The following PPP2R5A variants were observed in gnomAD, a reference collection of about 807,000 sequenced individuals.
PPP2R5A encodes serine/threonine-protein phosphatase 2A 56 kDa regulatory subunit alpha isoform.
In PPP2R5A, 25 loss-of-function variants were observed where a neutral mutation model predicts 64.2. The observed-to-expected ratio is 0.39, with a 90% CI of 0.28 to 0.54. The LOEUF (loss-of-function observed/expected upper bound fraction) is 0.54. PPP2R5A is among the 20% of genes least tolerant of loss of function. PPP2R5A has a pLI of 0.67. For missense variants in PPP2R5A, 425 were observed against 576.3 expected (o/e 0.74, Z 2.69); for synonymous variants, 198 against 201.2 (o/e 0.98, Z 0.13).
chr1:212,333,296 C>G (rs1456673670), intron 2 of PPP2R5A, among the ~76,000 whole-genome samples: 1 of 152,150 alleles, frequency 6.6e-6, no homozygotes, highest in African/African-American at 2.4e-5. Flanking sequence ...GAGCTTAGGT[C>G]TGAGGAAGTC....
At chr1:212,350,191 A>G (rs2102445686) in intron 8 of PPP2R5A, among the ~76,000 whole-genome samples, 1 of 152,308 alleles carries the variant, frequency 6.6e-6, no homozygotes, top group African/African-American at 2.4e-5. Context: ...TCTCCCTTTC[A>G]CTTGAACTTT....
intron 1 of PPP2R5A, among the ~76,000 whole-genome samples, chr1:212,321,042 C>T (rs1431208773): frequency 1.5e-4 from 9 of 60,006 alleles, no homozygotes; most frequent in East Asian, 5.5e-4. Context: ...ACCTCCCGGA[C>T]GGGGCGGCTG....
At chr1:212,358,915 C>T (rs1273889177) in intron 12 of PPP2R5A, 128 bp downstream of exon 12, 1 of 589,792 alleles carries the variant, frequency 1.7e-6, no homozygotes, top group African/African-American at 1.9e-5. Flanking sequence ...TTATAGTAAA[C>T]ATTACAATGT....
At chr1:212,346,654 T>C (rs1295677291) in intron 5 of PPP2R5A, among the ~76,000 whole-genome samples, 1 of 152,192 alleles carries the variant, frequency 6.6e-6, no homozygotes, top group Admixed American at 6.5e-5. Context: ...CAAGTGTACT[T>C]TATAAATATT....
chr1:212,333,520 A>G lies in PPP2R5A; in HGVS notation c.402A>G (p.Thr134=). 3 of 1,597,688 alleles carry G rather than the reference A, an allele frequency of 1.9e-6. No individual in the cohort carries two copies. The highest frequency in any genetic ancestry group is 2.6e-6 in the Non-Finnish European group (3 of 1,170,404). ...VKMISANIFR[T]LPPSDNPDFD... ...AGATCAGTGCTAACATCTTCCGTAC[A>G]CTTCCTCCAAGTGATAATCCAGATT... The change falls in exon 3 of 13, where the codon ACA becomes ACG. Residue 134 remains threonine, a synonymous_variant. Coordinates refer to ENST00000261461, the MANE Select transcript of PPP2R5A (RefSeq NM_006243.4).
At chr1:212,352,959 A>C (rs747718398) in intron 8 of PPP2R5A, 1 of 517,896 alleles carries the variant, frequency 1.9e-6, no homozygotes, top group South Asian at 1.4e-5. Context: ...TTCCATTGGG[A>C]GGAAAAATGA....
rs1358979260 is a variant in PPP2R5A, at chr1:212,361,431, C to T, written c.*661C>T. 1 of 152,628 alleles carries T rather than the reference C, an allele frequency of 6.6e-6. No individual in the cohort carries two copies. The highest frequency in any genetic ancestry group is 1.5e-5 in the Non-Finnish European group (1 of 68,046). The allele number at this position is 152,628 out of a possible 1,614,324, so 9.5% of individuals were successfully genotyped here. ...ATATCCCCCTTCCTCTGCAATTCTC[C>T]AGAGTGGTAACAGATGGGTAGAGGC... On this transcript the variant is annotated 3_prime_UTR_variant, in exon 13 of 13. Coordinates refer to ENST00000261461, the MANE Select transcript of PPP2R5A (RefSeq NM_006243.4).
chr1:212,286,251 G>C lies in PPP2R5A; in HGVS notation c.141G>C (p.Gln47His). 6.5e-7 allele frequency: 1 copy of C among 1,547,604 alleles called. No homozygotes were observed. Among genetic ancestry groups the C allele is most frequent in the Non-Finnish European group, 8.7e-7 (1 of 1,148,886 alleles). ...RSQGSSQFRS[Q>H]GSQAELHPLP... ...AGGGCTCGTCGCAGTTTCGCAGCCA[G>C]GGCAGCCAGGCAGAGCTGCACCCGC... Residue 47 changes from glutamine to histidine, a missense_variant, in exon 1 of 13, where the codon CAG becomes CAC. Physicochemically the swap from Gln to His is conservative, Grantham distance 24. Coordinates refer to ENST00000261461, the MANE Select transcript of PPP2R5A (RefSeq NM_006243.4).
Position 212,301,681 on chromosome 1 carries a change from A to G in PPP2R5A, c.181+15390A>G, listed in dbSNP as rs138650159. On this transcript the variant is annotated intron_variant, in intron 1 of 12. Coordinates refer to ENST00000261461, the MANE Select transcript of PPP2R5A (RefSeq NM_006243.4). ...AAATAAAAGCTGATTTTAGATTTTTAGTTATTAATGTTCTAGGGGTATTGC... is the reference window on the plus strand; with the variant it reads ...AAATAAAAGCTGATTTTAGATTTTTGGTTATTAATGTTCTAGGGGTATTGC... The G allele has an allele frequency of 1.3e-3, 348 of 268,378 alleles. 1 individual carries two copies. Among genetic ancestry groups the G allele is most frequent in the African/African-American group, 7.1e-3 (310 of 43,636 alleles). The allele number at this position is 268,378 out of a possible 1,614,324, so 16.6% of individuals were successfully genotyped here.
chr1:212,309,188 G>A (rs1005387862), intron 1 of PPP2R5A: 8 of 1,358,802 alleles, frequency 5.9e-6, no homozygotes, highest in African/African-American at 1.4e-5. Context: ...TTCACAGCCT[G>A]TTTAATCTGG....
At chr1:212,303,991 A>G (rs1020925761) in intron 1 of PPP2R5A, among the ~76,000 whole-genome samples, 3 of 151,962 alleles carry the variant, frequency 2.0e-5, no homozygotes, top group African/African-American at 7.3e-5. Flanking sequence ...CTTTTTCAGG[A>G]TTGTTTCGGC....
chr1:212,340,805 C>T (rs1033684229), intron 3 of PPP2R5A, among the ~76,000 whole-genome samples: 7 of 152,174 alleles, frequency 4.6e-5, no homozygotes, highest in Non-Finnish European at 1.0e-4. Context: ...TGTTACTGAA[C>T]TCACAGTAGT....
chr1:212,357,588 G>T (rs1382642052), intron 11 of PPP2R5A: 2 of 165,126 alleles, frequency 1.2e-5, no homozygotes, highest in Non-Finnish European at 2.6e-5. Flanking sequence ...CGGATCACAA[G>T]GTCAGGAGAT....
intron 1 of PPP2R5A, among the ~76,000 whole-genome samples, chr1:212,316,587 CTTTTTTTTTTTTT>C (rs751228809): frequency 1.1e-4 from 4 of 36,670 alleles, no homozygotes; most frequent in East Asian, 1.3e-3. Flanking sequence ...TTGTGGGTGA[CTTTTTTTTTTTTT>C]TTTTTTTTTT....
chr1:212,316,347 G>C (rs1659152401), intron 1 of PPP2R5A, among the ~76,000 whole-genome samples: 1 of 152,140 alleles, frequency 6.6e-6, no homozygotes, highest in South Asian at 2.1e-4. Flanking sequence ...CCTTATTGTT[G>C]ATTTGGAGAA....
At chr1:212,323,577 G>C (rs1659352934) in intron 1 of PPP2R5A, among the ~76,000 whole-genome samples, 2 of 152,134 alleles carry the variant, frequency 1.3e-5, no homozygotes, top group African/African-American at 4.8e-5. Flanking sequence ...TCTAATGTTT[G>C]GGAAAATTCA....
intron 2 of PPP2R5A, among the ~76,000 whole-genome samples, chr1:212,332,931 T>C (rs1345863843): frequency 1.3e-5 from 2 of 151,896 alleles, no homozygotes; most frequent in East Asian, 3.9e-4. Flanking sequence ...AGACAGGGTC[T>C]GGCTCTGTCA....
chr1:212,323,766 T>C (rs1659356793), intron 1 of PPP2R5A, among the ~76,000 whole-genome samples: 1 of 152,112 alleles, frequency 6.6e-6, no homozygotes, highest in South Asian at 2.1e-4. Context: ...CCAGAGAAAG[T>C]CTTTTTTAAA....
At chr1:212,355,279 C>T (rs1659958929) in intron 8 of PPP2R5A, among the ~76,000 whole-genome samples, 1 of 151,772 alleles carries the variant, frequency 6.6e-6, no homozygotes, top group South Asian at 2.1e-4. Flanking sequence ...TAGTAACTTG[C>T]AGGGTTTTTT....
Sources: gnomAD v4.1 joint callset for allele counts (sites outside exome capture counted in the v4.1 genomes callset) on GRCh38, gnomAD v4.1.1 for gene constraint, MANE v1.5 for transcripts, NCBI Gene and HGNC (gene_info 2026-07-23, HGNC 2026-07-21) for gene names.